Variants in MCTP1 observed in about 807,000 individuals in gnomAD.
MCTP1 encodes multiple C2 and transmembrane domain containing 1.
Under a neutral mutation model 120.6 loss-of-function variants are expected in MCTP1, and 69 were observed. That is an observed-to-expected ratio of 0.57 (90% CI 0.47 to 0.70). The LOEUF (loss-of-function observed/expected upper bound fraction) is 0.70. Among genes scored for constraint, MCTP1 ranks in the 30% least tolerant of loss-of-function variants. The pLI is 0.00. For synonymous variants in MCTP1, 529 were observed against 493.1 expected (o/e 1.07, Z -0.96); for missense variants, 1,203 against 1,248.8 (o/e 0.96, Z 0.55).
intron 1 of MCTP1, among the ~76,000 whole-genome samples, chr5:95,100,040 G>A (rs1411408924): frequency 8.0e-5 from 12 of 150,224 alleles, no homozygotes; most frequent in South Asian, 4.2e-4. Flanking sequence ...ACCAAACACC[G>A]CATATTCTCA....
intron 1 of MCTP1, among the ~76,000 whole-genome samples, chr5:95,109,137 T>A (rs1333277628): frequency 6.6e-6 from 1 of 152,190 alleles, no homozygotes; most frequent in Non-Finnish European, 1.5e-5. Context: ...TCAGATTTGG[T>A]TGCTCCCATT....
At chr5:95,032,614 A>C (rs115847169) in intron 1 of MCTP1, among the ~76,000 whole-genome samples, 1,925 of 152,134 alleles carry the variant, frequency 0.013, 15 homozygotes, top group Middle Eastern at 0.027. Context: ...GTTTGTAGTA[A>C]TAAATGCCTA....
At chr5:94,792,338 C>A (rs1228926599) in intron 18 of MCTP1, 2 of 152,440 alleles carry the variant, frequency 1.3e-5, no homozygotes, top group East Asian at 3.8e-4. Context: ...GCCTGAGTTT[C>A]TCCATCTGTC....
At chr5:94,943,852 T>C (rs965196570) in intron 3 of MCTP1, among the ~76,000 whole-genome samples, 1 of 152,104 alleles carries the variant, frequency 6.6e-6, no homozygotes, top group Non-Finnish European at 1.5e-5. Flanking sequence ...AGAAAACATT[T>C]GTATTGAACA....
chr5:95,006,665 G>A (rs1275024050), intron 2 of MCTP1, among the ~76,000 whole-genome samples: 2 of 152,126 alleles, frequency 1.3e-5, no homozygotes, highest in Admixed American at 6.5e-5. Context: ...ATTAAAGGCT[G>A]CATAAATCAA....
chr5:95,098,972 T>C (rs1490385678), intron 1 of MCTP1, among the ~76,000 whole-genome samples: 1 of 152,088 alleles, frequency 6.6e-6, no homozygotes, highest in South Asian at 2.1e-4. Flanking sequence ...ACGCCGCATA[T>C]CTGCAACTAT....
chr5:95,239,982 G>A (rs1281179122), intron 1 of MCTP1, among the ~76,000 whole-genome samples: 1 of 151,606 alleles, frequency 6.6e-6, no homozygotes. Flanking sequence ...TTTCTATATG[G>A]GTTAACGATT....
rs926589411 is a variant in MCTP1, at chr5:94,870,371, T to C, written c.2316+46A>G. ...TGAATTTACTTAGATGTTTTACAGA[T>C]ATAATCAGGTCTTCCCAGAGGGATT... On this transcript the variant is annotated intron_variant, in intron 16 of 22. Coordinates refer to ENST00000515393, the MANE Select transcript of MCTP1 (RefSeq NM_024717.7). 4 of 1,266,724 alleles carry C rather than the reference T, an allele frequency of 3.2e-6. No homozygotes were observed. In the African/African-American group the frequency reaches 4.4e-5, roughly 14 times the overall value. 78.5% of individuals were successfully genotyped at this position (1,266,724 alleles called of 1,614,324 possible).
At chr5:95,007,846 A>C (rs1835076447) in intron 2 of MCTP1, among the ~76,000 whole-genome samples, 1 of 152,192 alleles carries the variant, frequency 6.6e-6, no homozygotes, top group Non-Finnish European at 1.5e-5. Flanking sequence ...ACTTTTCTTT[A>C]GCAATAACAC....
intron 2 of MCTP1, among the ~76,000 whole-genome samples, chr5:95,003,995 G>C (rs1365357981): frequency 6.6e-6 from 1 of 152,162 alleles, no homozygotes; most frequent in Non-Finnish European, 1.5e-5. Flanking sequence ...ATGTAAAATT[G>C]TGACCAAATG....
At chr5:94,752,021 A>G (rs1313356972) in intron 19 of MCTP1, among the ~76,000 whole-genome samples, 4 of 147,812 alleles carry the variant, frequency 2.7e-5, no homozygotes, top group African/African-American at 7.5e-5. Context: ...TGACGAGTTA[A>G]TGGGTGCAGC....
intron 1 of MCTP1, among the ~76,000 whole-genome samples, chr5:95,222,532 T>C (rs1307078735): frequency 2.6e-5 from 4 of 152,370 alleles, no homozygotes; most frequent in Admixed American, 2.0e-4. Context: ...TTACTTGAGT[T>C]TGATATCTGA....
At chr5:95,151,367 T>A (rs1467617765) in intron 1 of MCTP1, among the ~76,000 whole-genome samples, 1 of 152,006 alleles carries the variant, frequency 6.6e-6, no homozygotes, top group East Asian at 1.9e-4. Flanking sequence ...AAGGTTTTCA[T>A]CCTAATCATC....
intron 17 of MCTP1, among the ~76,000 whole-genome samples, chr5:94,828,343 A>G (rs973814097): frequency 1.3e-5 from 2 of 152,118 alleles, no homozygotes; most frequent in Admixed American, 1.3e-4. Context: ...CCAGAGGGGC[A>G]CCTGCCAGAT....
intron 11 of MCTP1, among the ~76,000 whole-genome samples, chr5:94,891,168 C>T (rs1027894910): frequency 6.6e-6 from 1 of 151,776 alleles, no homozygotes; most frequent in Non-Finnish European, 1.5e-5. Context: ...GAGTGTTTAG[C>T]ATGAGGATTA....
At chr5:94,726,471 T>C (rs1388042723) in intron 19 of MCTP1, among the ~76,000 whole-genome samples, 5 of 152,226 alleles carry the variant, frequency 3.3e-5, no homozygotes, top group Non-Finnish European at 7.3e-5. Flanking sequence ...GTTGCTAATA[T>C]ACTTACTAGT....
At chr5:95,018,581 C>G (rs928105839) in intron 1 of MCTP1, among the ~76,000 whole-genome samples, 2 of 151,742 alleles carry the variant, frequency 1.3e-5, no homozygotes, top group African/African-American at 4.8e-5. Context: ...CAAGAGGCAG[C>G]ACAGCTTTGA....
At chr5:95,177,915 G>A (rs1582452693) in intron 1 of MCTP1, among the ~76,000 whole-genome samples, 2 of 152,182 alleles carry the variant, frequency 1.3e-5, no homozygotes, top group African/African-American at 2.4e-5. Context: ...AAGAGATTAC[G>A]ATAAAGCAGT....
At chr5:95,254,096 T>A (rs1757645763) in intron 1 of MCTP1, among the ~76,000 whole-genome samples, 1 of 152,146 alleles carries the variant, frequency 6.6e-6, no homozygotes, top group Non-Finnish European at 1.5e-5. Flanking sequence ...TAACAGAGCT[T>A]CAAATACTTC....
Sources: gnomAD v4.1 joint callset for allele counts (sites outside exome capture counted in the v4.1 genomes callset) on GRCh38, gnomAD v4.1.1 for gene constraint, MANE v1.5 for transcripts, NCBI Gene and HGNC (gene_info 2026-07-23, HGNC 2026-07-21) for gene names.